Variants in PDE10A observed in about 807,000 individuals in gnomAD.
PDE10A encodes cAMP and cAMP-inhibited cGMP 3',5'-cyclic phosphodiesterase 10A.
PDE10A carries 39 observed loss-of-function variants against 97.7 expected under a neutral mutation model. The ratio of observed to expected loss-of-function variants is 0.40; its 90% CI spans 0.31 to 0.52. The LOEUF (loss-of-function observed/expected upper bound fraction) is 0.52. Ranked by LOEUF, PDE10A falls within the 20% of genes least tolerant of loss-of-function variation. The pLI, the probability that PDE10A is intolerant of heterozygous loss-of-function variation, is 0.56. For synonymous variants in PDE10A, 371 were observed against 376.8 expected (o/e 0.98, Z 0.18); for missense variants, 731 against 1,047.8 (o/e 0.70, Z 4.17).
In PDE10A at chr6:165,590,464, A is replaced by G. The variant is rs111983304; in HGVS notation, c.866-46896T>C. Among the ~76,000 whole-genome samples the G allele has an allele frequency of 5.5e-3, 841 of 152,308 alleles. 3 individuals are homozygous for G. Among genetic ancestry groups the G allele is most frequent in the African/African-American group, 0.019 (782 of 41,580 alleles). On this transcript the variant is annotated intron_variant, in intron 1 of 21. Transcript: ENST00000539869. ...CATAATGCAAATCACAGCAAACATA[A>G]AGAGTATGTACTTTTCATTTTGACC...
At chr6:165,527,501 G>T (rs1211465664) in intron 2 of PDE10A, among the ~76,000 whole-genome samples, 3 of 152,144 alleles carry the variant, frequency 2.0e-5, no homozygotes, top group Non-Finnish European at 4.4e-5. Context: ...GCAAGGCCCT[G>T]CCATCTCCAC....
chr6:165,422,312 TAC>T (rs1788757918), intron 10 of PDE10A, among the ~76,000 whole-genome samples: 2 of 138,094 alleles, frequency 1.4e-5, no homozygotes, highest in Non-Finnish European at 3.1e-5. Context: ...CATACACACA[TAC>T]GCATATACAC....
At chr6:165,453,589 C>A (rs1050412455) in intron 3 of PDE10A, among the ~76,000 whole-genome samples, 1 of 152,342 alleles carries the variant, frequency 6.6e-6, no homozygotes, top group East Asian at 1.9e-4. Flanking sequence ...ACAATGTGAG[C>A]CCCAGCCACG....
chr6:165,368,912 G>T (rs1301543889), intron 18 of PDE10A, among the ~76,000 whole-genome samples: 1 of 152,138 alleles, frequency 6.6e-6, no homozygotes, highest in African/African-American at 2.4e-5. Context: ...AGCAGCATTC[G>T]CGGTTCACGA....
At chr6:165,765,974 TC>T (rs1562725732) in intron 1 of PDE10A, among the ~76,000 whole-genome samples, 2 of 152,276 alleles carry the variant, frequency 1.3e-5, no homozygotes, top group East Asian at 3.9e-4. Context: ...GTGCTTTATT[TC>T]CCCCCTAAAA....
At chr6:165,981,946 T>C (rs941355778) in intron 1 of PDE10A, among the ~76,000 whole-genome samples, 1 of 152,224 alleles carries the variant, frequency 6.6e-6, no homozygotes, top group African/African-American at 2.4e-5. Context: ...TAGGTAGATG[T>C]AGGTCAGTTA....
Position 165,695,773 on chromosome 6 carries a change from C to T in PDE10A, c.-614-152205G>A, listed in dbSNP as rs148595723. Among the ~76,000 whole-genome samples, 75 of 152,238 alleles carry T rather than the reference C, an allele frequency of 4.9e-4. No individual in the cohort carries two copies. The East Asian group carries it at 5.4e-3, about 11-fold the overall frequency. ...GTAAAGACAGCCTAGATGGTAGGCTCGCTAGTGCACAAGGGAGAATCGGGG... is the reference window on the plus strand; with the variant it reads ...GTAAAGACAGCCTAGATGGTAGGCTTGCTAGTGCACAAGGGAGAATCGGGG... On this transcript the variant is annotated intron_variant, in intron 1 of 19. Coordinates refer to the PDE10A transcript ENST00000366882.
chr6:165,941,278 A>G (rs1783509156), intron 1 of PDE10A, among the ~76,000 whole-genome samples: 1 of 152,204 alleles, frequency 6.6e-6, no homozygotes, highest in Non-Finnish European at 1.5e-5. Context: ...CATTAATACT[A>G]CATCCAAAGA....
At chr6:165,562,864 T>C (rs1396035681) in intron 1 of PDE10A, among the ~76,000 whole-genome samples, 1 of 152,026 alleles carries the variant, frequency 6.6e-6, no homozygotes, top group African/African-American at 2.4e-5. Flanking sequence ...TGGGTTTTGG[T>C]TGTCATAAGA....
intron 1 of PDE10A, chr6:165,781,225 A>G (rs546791704): frequency 6.6e-6 from 1 of 152,358 alleles, no homozygotes; most frequent in South Asian, 2.1e-4. Context: ...GCCTTGCCAG[A>G]ACCAAGGGCC....
chr6:165,971,441 T>A lies in PDE10A; in HGVS notation c.-615+16088A>T, dbSNP rs535980527. On this transcript the variant is annotated intron_variant, in intron 1 of 19. Transcript: ENST00000366882. ...ACACCTTCTTACCTTCCTATAAGAC[T>A]GAAAATTCCTTCAGGGCTGGGAAAA... 1.4e-3 allele frequency among the ~76,000 whole-genome samples: 209 copies of A among 152,300 alleles called. 1 individual carries two copies. Among genetic ancestry groups the A allele is most frequent in the African/African-American group, 4.7e-3 (197 of 41,558 alleles).
chr6:165,445,072 T>C (rs1449064609), intron 5 of PDE10A, among the ~76,000 whole-genome samples: 1 of 152,210 alleles, frequency 6.6e-6, no homozygotes, highest in Non-Finnish European at 1.5e-5. Context: ...GACAATTATG[T>C]AGACTATGCT....
chr6:165,920,933 T>G (rs2128488351), intron 1 of PDE10A, among the ~76,000 whole-genome samples: 1 of 152,266 alleles, frequency 6.6e-6, no homozygotes, highest in East Asian at 1.9e-4. Flanking sequence ...CAAAATTTGT[T>G]TGGAGGAAAG....
intron 17 of PDE10A, among the ~76,000 whole-genome samples, chr6:165,381,568 G>A (rs561278840): frequency 6.6e-6 from 1 of 151,390 alleles, no homozygotes; most frequent in Non-Finnish European, 1.5e-5. Context: ...GGATTCAAGC[G>A]ATTCTCCTGC....
chr6:165,483,443 C>T (rs1272843488), intron 2 of PDE10A, among the ~76,000 whole-genome samples: 1 of 152,152 alleles, frequency 6.6e-6, no homozygotes, highest in African/African-American at 2.4e-5. Flanking sequence ...ACACATGTAA[C>T]AATTGTCATA....
At chr6:165,509,879 C>A (rs1781414791) in intron 2 of PDE10A, among the ~76,000 whole-genome samples, 1 of 151,826 alleles carries the variant, frequency 6.6e-6, no homozygotes, top group African/African-American at 2.4e-5. Flanking sequence ...TCTTTTTCAG[C>A]TATTTCATTA....
intron 2 of PDE10A, among the ~76,000 whole-genome samples, chr6:165,530,987 C>T (rs1298705943): frequency 2.0e-5 from 3 of 152,158 alleles, no homozygotes; most frequent in Non-Finnish European, 4.4e-5. Context: ...AAAGGCCTTG[C>T]ATGACAGATC....
intron 19 of PDE10A, 36 bp downstream of exon 19, chr6:165,343,355 T>C (rs1041825355): frequency 5.2e-6 from 7 of 1,341,560 alleles, no homozygotes; most frequent in African/African-American, 4.3e-5. Context: ...TTATTTCTCC[T>C]CACTATCTAT....
intron 2 of PDE10A, among the ~76,000 whole-genome samples, chr6:165,537,025 G>A (rs115962544): frequency 1.9e-3 from 285 of 151,964 alleles, no homozygotes; most frequent in African/African-American, 6.4e-3. Context: ...CATAGTAGCC[G>A]AAATATGTAA....
Sources: gnomAD v4.1 joint callset for allele counts (sites outside exome capture counted in the v4.1 genomes callset) on GRCh38, gnomAD v4.1.1 for gene constraint, MANE v1.5 for transcripts, NCBI Gene and HGNC (gene_info 2026-07-23, HGNC 2026-07-21) for gene names.